A2ML1: variants seen among roughly 807,000 people sequenced by gnomAD.
The protein encoded by A2ML1 is alpha-2-macroglobulin-like protein 1.
A neutral mutation model predicts 181.9 loss-of-function variants in A2ML1; 161 were observed. That is an observed-to-expected ratio of 0.89 (90% CI 0.78 to 1.01). A2ML1 has a LOEUF of 1.01. Ranked by LOEUF, A2ML1 falls within the 50% of genes least tolerant of loss-of-function variation. The pLI is 0.00. For synonymous variants in A2ML1, 663 were observed against 666.8 expected (o/e 0.99, Z 0.09); for missense variants, 1,670 against 1,768.1 (o/e 0.94, Z 1.00).
rs761105427 is a variant in A2ML1 at position 8,822,861 on chromosome 12, T to C, written c.62+148T>C. 3.4e-4 allele frequency: 251 copies of C among 740,696 alleles called. 1 individual carries two copies. Among genetic ancestry groups the C allele is most frequent in the Non-Finnish European group, 4.5e-4 (199 of 444,024 alleles). 45.9% of individuals were successfully genotyped at this position (740,696 alleles called of 1,614,324 possible). A position where few individuals can be genotyped will look rare whatever the true frequency, so the allele number is the denominator to read the frequency against. ...CTCTTCTTTGGTTCCACTGATCCTT[T>C]ACCCAGAGAGGGAGGCTGACGCATG... On this transcript the variant is annotated intron_variant, in intron 1 of 35. Coordinates refer to ENST00000299698, the MANE Select transcript of A2ML1 (RefSeq NM_144670.6).
chr12:8,838,222 A>G lies in A2ML1; in HGVS notation c.856-114A>G, dbSNP rs1035589975. 3.1e-5 allele frequency: 21 copies of G among 668,476 alleles called. No individual in the cohort carries two copies. In the South Asian group the frequency reaches 5.1e-4, roughly 16 times the overall value. The allele number at this position is 668,476 out of a possible 1,614,324, so 41.4% of individuals were successfully genotyped here. A position where few individuals can be genotyped will look rare whatever the true frequency, so the allele number is the denominator to read the frequency against. On this transcript the variant is annotated intron_variant, in intron 8 of 35. Coordinates refer to ENST00000299698, the MANE Select transcript of A2ML1 (RefSeq NM_144670.6). ...TGTTGTAGGAGAGTTTTTCTATATT[A>G]GAAACTGAAGTGTGGAGATGAGAAA...
chr12:8,869,262 C>A, intron 33 of A2ML1, 59 bp downstream of exon 33: 1 of 1,552,342 alleles, frequency 6.4e-7, no homozygotes, highest in Non-Finnish European at 8.9e-7. Context: ...CATGACTTCC[C>A]TTCTAATCTG....
chr12:8,885,442 T>TTTTTA lies in A2ML1; in HGVS notation c.*95-1050_*95-1046dup, dbSNP rs112583107. 7.8e-3 allele frequency among the ~76,000 whole-genome samples: 1,193 copies of TTTTTA among 152,024 alleles called. 14 individuals carry two copies. Among genetic ancestry groups the TTTTTA allele is most frequent in the African/African-American group, 0.028 (1,148 of 41,386 alleles). On this transcript the variant is annotated intron_variant and NMD_transcript_variant, in intron 7 of 7. Coordinates refer to the A2ML1 transcript ENST00000537475. ...TTTCCTTATGTTTTCAAATAAAAGCTTTTTATTTTATTTTATTTTTTTTAG... is the reference window on the plus strand; with the variant it reads ...TTTCCTTATGTTTTCAAATAAAAGCTTTTTATTTTATTTTATTTTATTTTTTTTAG...
chr12:8,839,076 G>A (rs1280271678), intron 9 of A2ML1, 37 bp from the exon 10 acceptor site: 2 of 1,373,350 alleles, frequency 1.5e-6, no homozygotes, highest in East Asian at 2.3e-5. Context: ...AGAATATCAG[G>A]TGCCTAGATC....
chr12:8,855,828 C>T (rs935745752), intron 23 of A2ML1, among the ~76,000 whole-genome samples: 1 of 152,030 alleles, frequency 6.6e-6, no homozygotes, highest in Non-Finnish European at 1.5e-5. Context: ...AAGGTAAGGT[C>T]GCTGATGCTT....
intron 11 of A2ML1, among the ~76,000 whole-genome samples, chr12:8,842,903 C>T (rs909886301): frequency 6.6e-6 from 1 of 152,168 alleles, no homozygotes; most frequent in African/African-American, 2.4e-5. Context: ...CATTTAGTAA[C>T]TATAATTCAG....
intron 7 of A2ML1, among the ~76,000 whole-genome samples, chr12:8,882,076 G>A (rs963525023): frequency 2.2e-4 from 34 of 152,234 alleles, no homozygotes; most frequent in Admixed American, 1.9e-3. Context: ...GAGATAGTGG[G>A]ATATAAAGGG....
Position 8,835,772 on chromosome 12 carries a change from G to A in A2ML1, c.643+106G>A. 8 of 1,448,864 alleles carry A rather than the reference G, an allele frequency of 5.5e-6. No homozygotes were observed. The South Asian group carries it at 9.2e-5, about 17-fold the overall frequency. 89.8% of individuals were successfully genotyped at this position (1,448,864 alleles called of 1,614,324 possible). On this transcript the variant is annotated intron_variant, in intron 6 of 35. Coordinates refer to ENST00000299698, the MANE Select transcript of A2ML1 (RefSeq NM_144670.6). ...CTCACGCCTGTAATCCCAGGACTTT[G>A]GGAGGCCGAGGCGGGCAGATCATGA...
At position 8,846,064 on chromosome 12, in the gene A2ML1, T is replaced by A. The variant is rs765050311; in HGVS notation, c.1538-13T>A. Reference sequence around the variant, plus strand: ...CATTCTGATTTTCCTGTATATTCCCTCTTCTCTTTCAGGACTGAAAGCCTC... The same window carrying A: ...CATTCTGATTTTCCTGTATATTCCCACTTCTCTTTCAGGACTGAAAGCCTC... On this transcript the variant is annotated splice_polypyrimidine_tract_variant and intron_variant, in intron 13 of 35. Transcript: ENST00000299698. The A allele has an allele frequency of 2.1e-5, 34 of 1,613,888 alleles. No homozygotes were observed. In the Admixed American group the frequency reaches 4.3e-4, roughly 21 times the overall value.
chr12:8,850,607 A>G (rs1465468221), intron 18 of A2ML1, among the ~76,000 whole-genome samples: 1 of 150,620 alleles, frequency 6.6e-6, no homozygotes, highest in African/African-American at 2.4e-5. Context: ...ACAAACCCAG[A>G]AAAAAAACAG....
chr12:8,839,118 G>T lies in A2ML1; in HGVS notation c.976G>T (p.Glu326Ter), dbSNP rs1007463257. The change falls in exon 10 of 36, where the codon GAG becomes TAG. Residue 326 changes from glutamate to a stop codon, truncating the protein, a stop_gained. Transcript: ENST00000299698. LOFTEE classifies it high-confidence loss of function. Reference protein sequence around the residue: ...ATVVEEGTGVEANATQNIYIS... With the variant: ...ATVVEEGTGV ...CATCTGGTTTCCCTCTGCAGGTGTG[G>T]AGGCCAATGCCACTCAGAATATCTA... 11 of 1,611,054 alleles carry T rather than the reference G, an allele frequency of 6.8e-6. No individual in the cohort carries two copies. In the Admixed American group the frequency reaches 1.2e-4, roughly 17 times the overall value.
intron 14 of A2ML1, among the ~76,000 whole-genome samples, chr12:8,847,003 C>T (rs765098708): frequency 8.0e-5 from 12 of 150,604 alleles, no homozygotes; most frequent in Non-Finnish European, 1.3e-4. Context: ...GGTGCGATCT[C>T]GGCTCACTGC....
At chr12:8,840,702 G>T (rs1300109061) in intron 10 of A2ML1, among the ~76,000 whole-genome samples, 1 of 151,966 alleles carries the variant, frequency 6.6e-6, no homozygotes, top group Non-Finnish European at 1.5e-5. Context: ...GAGGTCAGGA[G>T]TTCGAAACCA....
rs1361995611 is a variant in A2ML1 at position 8,847,669 on chromosome 12, A to C, written c.1804A>C (p.Arg602=). ...RAVDESVLLL[R]PDRELSNRSV... Reference sequence around the variant, plus strand: ...GGTGGATGAGAGTGTCTTACTGCTTAGGCCAGACAGAGAGCTGAGCAACCG... The same window carrying C: ...GGTGGATGAGAGTGTCTTACTGCTTCGGCCAGACAGAGAGCTGAGCAACCG... Residue 602 remains arginine, a synonymous_variant, in exon 15 of 36, where the codon AGG becomes CGG. Transcript: ENST00000299698. 3 of 1,613,242 alleles carry C rather than the reference A, an allele frequency of 1.9e-6. No individual in the cohort carries two copies. The highest frequency in any genetic ancestry group is 1.6e-4 in the Middle Eastern group (1 of 6,082).
intron 4 of A2ML1, among the ~76,000 whole-genome samples, chr12:8,832,737 G>T (rs184386372): frequency 6.6e-6 from 1 of 152,248 alleles, no homozygotes; most frequent in Admixed American, 6.5e-5. Flanking sequence ...GCGTAGTGAG[G>T]GTACCTAAGG....
chr12:8,834,393 G>A (rs762661320), intron 4 of A2ML1, among the ~76,000 whole-genome samples: 17 of 152,196 alleles, frequency 1.1e-4, no homozygotes, highest in Admixed American at 2.6e-4. Context: ...CTGGTCTGAC[G>A]CTCCAGTTCT....
At chr12:8,829,448 A>C (rs1943039038) in intron 3 of A2ML1, among the ~76,000 whole-genome samples, 1 of 152,116 alleles carries the variant, frequency 6.6e-6, no homozygotes, top group East Asian at 1.9e-4. Flanking sequence ...GGATCACCTG[A>C]GGTCAGGAGT....
At chr12:8,880,330 C>A (rs972250535), downstream of A2ML1, among the ~76,000 whole-genome samples, 2 of 152,076 alleles carry the variant, frequency 1.3e-5, no homozygotes, top group Admixed American at 6.6e-5. Context: ...TGTAGCACTG[C>A]ACTCCAGGAG....
chr12:8,832,044 C>T (rs2136743705), intron 4 of A2ML1, among the ~76,000 whole-genome samples: 1 of 152,306 alleles, frequency 6.6e-6, no homozygotes, highest in South Asian at 2.1e-4. Flanking sequence ...GCCACCGCGC[C>T]TGGCCAGGAA....
Sources: allele counts gnomAD v4.1 joint callset (sites outside exome capture counted in the v4.1 genomes callset), GRCh38; gene constraint gnomAD v4.1.1; transcripts MANE v1.5; gene names NCBI Gene and HGNC (gene_info 2026-07-23, HGNC 2026-07-21).